Variants in SMPX observed in about 807,000 individuals in gnomAD.
The protein encoded by SMPX is small muscular protein.
In SMPX, 2 loss-of-function variants were observed where a neutral mutation model predicts 6.3. The observed-to-expected ratio is 0.32, with a 90% CI of 0.13 to 0.99. The LOEUF is 0.99. Among genes scored for constraint, SMPX ranks in the 50% least tolerant of loss-of-function variants. SMPX has a pLI of 0.49. For synonymous variants in SMPX, 32 were observed against 24.7 expected, an observed-to-expected ratio of 1.30 and a Z score of -0.88; for missense variants, 60 against 66.8, an observed-to-expected ratio of 0.90 and a Z score of 0.36.
chrX:21,743,830 T>C lies in SMPX; in HGVS notation c.52A>G (p.Ile18Val). ...VSNVRAIQAN[I>V]NIPMGAFRPG... ...CGAAAGGCTCCCATTGGAATATTGA[T>C]ATTTGCCTAAAAGAGAAAACAGGGT... The change falls in exon 3 of 5, where the codon ATC becomes GTC. Residue 18 changes from isoleucine (I) to valine (V), a missense_variant. Ile to Val is a conservative substitution (Grantham distance 29). Coordinates refer to ENST00000379494, the MANE Select transcript of SMPX (RefSeq NM_014332.3). 2 of 1,202,312 alleles carry C rather than the reference T, an allele frequency of 1.7e-6. No individual in the cohort carries two copies. The highest frequency in any genetic ancestry group is 1.7e-5 in the African/African-American group (1 of 57,573).
At chrX:21,747,568 G>C (rs1183011687) in intron 2 of SMPX, among the ~76,000 whole-genome samples, 3 of 111,428 alleles carry the variant, frequency 2.7e-5, no homozygotes, top group Non-Finnish European at 5.7e-5. Flanking sequence ...GAGGATTCTG[G>C]AAACAATATT....
intron 4 of SMPX, among the ~76,000 whole-genome samples, chrX:21,710,067 T>C (rs897596702): frequency 8.9e-6 from 1 of 111,892 alleles, no homozygotes; most frequent in Non-Finnish European, 1.9e-5. Flanking sequence ...CTGAGAAACA[T>C]AGGATGAGCC....
At chrX:21,740,716 A>G (rs1014638168) in intron 3 of SMPX, among the ~76,000 whole-genome samples, 1 of 112,423 alleles carries the variant, frequency 8.9e-6, no homozygotes, top group African/African-American at 3.2e-5. Context: ...TCCCTGTCTT[A>G]CAGTGGAGAA....
chrX:21,717,785 A>G (rs1449563329), intron 4 of SMPX, among the ~76,000 whole-genome samples: 1 of 112,664 alleles, frequency 8.9e-6, no homozygotes, highest in East Asian at 2.8e-4. Flanking sequence ...GAGGCAACAG[A>G]AAAGTTTTTC....
At position 21,737,680 on chromosome X, in the gene SMPX, C is replaced by T. The variant is rs199902985; in HGVS notation, c.150G>A (p.Ser50=). The T allele has an allele frequency of 5.8e-6, 7 of 1,208,724 alleles. No individual in the cohort carries two copies. The highest frequency in any genetic ancestry group is 1.8e-5 in the South Asian group (1 of 56,782). ...CTGGAATTGGCTTCTTCTCCTCATCCGAGGTGGGAGGAACACCCTGAAGAG... is the reference window on the plus strand; with the variant it reads ...CTGGAATTGGCTTCTTCTCCTCATCTGAGGTGGGAGGAACACCCTGAAGAG... ...PEVEEGVPPT[S]DEEKKPIPGA... Residue 50 remains serine, a synonymous_variant, in exon 4 of 5, where the codon TCG becomes TCA. Coordinates refer to ENST00000379494, the MANE Select transcript of SMPX (RefSeq NM_014332.3).
intron 4 of SMPX, among the ~76,000 whole-genome samples, chrX:21,714,205 G>A (rs186026608): frequency 2.5e-4 from 28 of 111,957 alleles, no homozygotes; most frequent in African/African-American, 8.4e-4. Flanking sequence ...GTTAAGCAAA[G>A]ATAAACCACC....
At chrX:21,722,054 G>A (rs1287026876) in intron 4 of SMPX, among the ~76,000 whole-genome samples, 1 of 110,764 alleles carries the variant, frequency 9.0e-6, no homozygotes, top group Non-Finnish European at 1.9e-5. Context: ...CCAGCTACTT[G>A]GGAGGCTGAG....
intron 4 of SMPX, among the ~76,000 whole-genome samples, chrX:21,715,303 T>TGCGCGC (rs1555971890): frequency 2.4e-4 from 21 of 86,074 alleles, no homozygotes; most frequent in African/African-American, 1.1e-3. Context: ...TGTGTGTGTG[T>TGCGCGC]GCGCGCACGC....
chrX:21,743,663 C>T (rs901514717), intron 3 of SMPX, 87 bp downstream of exon 3: 6 of 757,785 alleles, frequency 7.9e-6, no homozygotes, highest in Non-Finnish European at 1.2e-5. Context: ...TCCTGGATAG[C>T]CAGCCCTTGC....
At chrX:21,731,266 G>A (rs2092802791) in intron 4 of SMPX, among the ~76,000 whole-genome samples, 1 of 106,951 alleles carries the variant, frequency 9.4e-6, no homozygotes, top group Non-Finnish European at 1.9e-5. Context: ...TTTTAAATTT[G>A]AGACTTATTT....
intron 4 of SMPX, among the ~76,000 whole-genome samples, chrX:21,711,664 C>T (rs1400100387): frequency 2.7e-5 from 3 of 111,764 alleles, no homozygotes; most frequent in South Asian, 3.8e-4. Flanking sequence ...TCATAGTTGC[C>T]GTGGCCCCAC....
At chrX:21,721,591 T>C (rs2092791769) in intron 4 of SMPX, among the ~76,000 whole-genome samples, 1 of 112,306 alleles carries the variant, frequency 8.9e-6, no homozygotes, top group South Asian at 3.7e-4. Context: ...CACCTGAAGA[T>C]TCTGTGAAAC....
intron 3 of SMPX, among the ~76,000 whole-genome samples, chrX:21,738,026 G>A (rs947039942): frequency 2.7e-5 from 3 of 112,418 alleles, no homozygotes; most frequent in African/African-American, 9.7e-5. Flanking sequence ...CATCTTACAA[G>A]ATTGACTTTA....
At chrX:21,728,689 T>G (rs888591171) in intron 4 of SMPX, among the ~76,000 whole-genome samples, 9 of 112,463 alleles carry the variant, frequency 8.0e-5, no homozygotes, top group East Asian at 2.8e-4. Context: ...TGGGTGATAG[T>G]GATTAAAAGG....
chrX:21,709,698 G>A (rs1412169119), intron 4 of SMPX, among the ~76,000 whole-genome samples: 2 of 111,835 alleles, frequency 1.8e-5, no homozygotes, highest in Non-Finnish European at 3.8e-5. Flanking sequence ...TGCCAATTCT[G>A]CCCTAGGTCC....
intron 4 of SMPX, 24 bp from the exon 5 acceptor site, chrX:21,706,418 C>T (rs778924158): frequency 2.9e-6 from 1 of 347,988 alleles, no homozygotes; most frequent in South Asian, 3.5e-5. Flanking sequence ...ACCAAAGGAA[C>T]CATGAGTTTT....
rs1412296565 is a variant in SMPX at position 21,731,456 on chromosome X, A to T, written c.*14+6093T>A. Among the ~76,000 whole-genome samples, 12 of 82,886 alleles carry T rather than the reference A, an allele frequency of 1.4e-4. 2 individuals carry two copies. Among genetic ancestry groups the T allele is most frequent in the African/African-American group, 5.5e-4 (12 of 21,887 alleles). 72.0% of individuals were successfully genotyped at this position (82,886 alleles called of 115,157 possible). ...GTGTGTATGTGTACACATACACATA[A>T]TGTGTGTATGTGTACACATACACAT... is the stretch of plus-strand genomic sequence containing the variant. On this transcript the variant is annotated intron_variant, in intron 4 of 4. Transcript: ENST00000379494.
intron 4 of SMPX, among the ~76,000 whole-genome samples, chrX:21,717,701 C>G (rs1169463328): frequency 8.9e-6 from 1 of 112,144 alleles, no homozygotes; most frequent in Non-Finnish European, 1.9e-5. Context: ...CAATGGCAAT[C>G]CAGTCCTCCA....
At chrX:21,737,472 G>T in intron 4 of SMPX, 77 bp downstream of exon 4, 1 of 884,094 alleles carries the variant, frequency 1.1e-6, no homozygotes, top group South Asian at 2.0e-5. Context: ...TAGAATTCCA[G>T]ATTTCTTCTG....
Sources: gnomAD v4.1 joint callset for allele counts (sites outside exome capture counted in the v4.1 genomes callset) on GRCh38, gnomAD v4.1.1 for gene constraint, MANE v1.5 for transcripts, NCBI Gene and HGNC (gene_info 2026-07-23, HGNC 2026-07-21) for gene names.